Variants in MEOX2 observed in about 807,000 individuals in gnomAD.
The protein encoded by MEOX2 is homeobox protein MOX-2.
In MEOX2, 11 loss-of-function variants were observed where a neutral mutation model predicts 27.0. That is an observed-to-expected ratio of 0.41 (90% CI 0.26 to 0.68). The LOEUF is 0.68. Among genes scored for constraint, MEOX2 ranks in the 30% least tolerant of loss-of-function variants. MEOX2 has a pLI of 0.33. For missense variants in MEOX2, 436 were observed against 385.4 expected (o/e 1.13, Z -1.10); for synonymous variants, 189 against 155.4 (o/e 1.22, Z -1.61).
chr7:15,624,479 G>A lies in MEOX2; in HGVS notation c.690+2267C>T, dbSNP rs911051093. ...TCACATGGCTTGCTTTGGACAATGG[G>A]ACACTAGCAAATATGACGTAAGAGG... On this transcript the variant is annotated intron_variant, in intron 2 of 2. Transcript: ENST00000262041. 2.6e-5 allele frequency among the ~76,000 whole-genome samples: 4 copies of A among 152,108 alleles called. No individual in the cohort carries two copies. The East Asian group carries it at 5.8e-4, about 22-fold the overall frequency.
rs144205796 is a variant in MEOX2, at chr7:15,618,800, A to T, written c.691-6189T>A. ...TATCAGATTTAGAGACTATCACCTT[A>T]GATCCAAGTTTATTATATAAACTTA... On this transcript the variant is annotated intron_variant, in intron 2 of 2. Transcript: ENST00000262041. Among the ~76,000 whole-genome samples, 55 of 152,012 alleles carry T rather than the reference A, an allele frequency of 3.6e-4. No homozygotes were observed. The East Asian group carries it at 0.01, about 29-fold the overall frequency.
intron 1 of MEOX2, among the ~76,000 whole-genome samples, chr7:15,656,983 C>T (rs1292319994): frequency 6.6e-6 from 1 of 152,012 alleles, no homozygotes; most frequent in East Asian, 1.9e-4. Context: ...GTTGACTGTT[C>T]TTTTCTTTCT....
chr7:15,664,090 T>C (rs2115385811), intron 1 of MEOX2, among the ~76,000 whole-genome samples: 1 of 152,202 alleles, frequency 6.6e-6, no homozygotes, highest in East Asian at 1.9e-4. Context: ...TTAAAGCAAA[T>C]ATGAACTACA....
intron 1 of MEOX2, among the ~76,000 whole-genome samples, chr7:15,662,535 G>A (rs1005860670): frequency 6.6e-6 from 1 of 151,988 alleles, no homozygotes; most frequent in Non-Finnish European, 1.5e-5. Context: ...GAGACAAAAG[G>A]ACTGGGAAAA....
intron 1 of MEOX2, among the ~76,000 whole-genome samples, chr7:15,642,472 T>C (rs1160138235): frequency 6.6e-6 from 1 of 152,200 alleles, no homozygotes; most frequent in Non-Finnish European, 1.5e-5. Flanking sequence ...GTTTCTATTT[T>C]GCTTTTCTTT....
chr7:15,676,148 T>C (rs539437341), intron 1 of MEOX2: 1 of 152,294 alleles, frequency 6.6e-6, no homozygotes, highest in African/African-American at 2.4e-5. Flanking sequence ...ACCCAGGACT[T>C]GCAATTCCAG....
chr7:15,665,263 A>G (rs1032829825), intron 1 of MEOX2, among the ~76,000 whole-genome samples: 1 of 151,866 alleles, frequency 6.6e-6, no homozygotes, highest in Non-Finnish European at 1.5e-5. Context: ...AAATGAGCAA[A>G]GAAAACTAAG....
At chr7:15,642,709 T>C (rs1412354099) in intron 1 of MEOX2, among the ~76,000 whole-genome samples, 3 of 152,242 alleles carry the variant, frequency 2.0e-5, no homozygotes, top group African/African-American at 4.8e-5. Context: ...GAATTATTTA[T>C]GCTGGTTCCT....
chr7:15,631,834 G>T (rs1389114894), intron 1 of MEOX2, among the ~76,000 whole-genome samples: 3 of 147,808 alleles, frequency 2.0e-5, no homozygotes, highest in Admixed American at 6.8e-5. Flanking sequence ...TTTAATTTTT[G>T]GAAATATCAT....
At chr7:15,685,516 C>G (rs1041487967) in intron 1 of MEOX2, among the ~76,000 whole-genome samples, 1 of 152,222 alleles carries the variant, frequency 6.6e-6, no homozygotes, top group African/African-American at 2.4e-5. Context: ...GGCACCCGCA[C>G]GCACGCCTGC....
At chr7:15,671,142 CCAG>C (rs1315564725) in intron 1 of MEOX2, among the ~76,000 whole-genome samples, 3 of 151,974 alleles carry the variant, frequency 2.0e-5, no homozygotes, top group Admixed American at 1.3e-4. Flanking sequence ...TTTTTAAATG[CCAG>C]CTCCATTCTA....
At chr7:15,681,312 A>G (rs1341479706) in intron 1 of MEOX2, 1 of 151,750 alleles carries the variant, frequency 6.6e-6, no homozygotes, top group African/African-American at 2.4e-5. Flanking sequence ...AAAAACCTTC[A>G]TATTAGGTTG....
chr7:15,615,238 A>G (rs1347059260), intron 2 of MEOX2, among the ~76,000 whole-genome samples: 1 of 152,106 alleles, frequency 6.6e-6, no homozygotes, highest in Non-Finnish European at 1.5e-5. Context: ...CTTATGTTAT[A>G]GATGATAAAG....
intron 1 of MEOX2, chr7:15,680,555 C>G (rs1053756950): frequency 6.6e-6 from 1 of 151,888 alleles, no homozygotes; most frequent in South Asian, 2.1e-4. Context: ...AGTTTTGCAA[C>G]TAACTTTACT....
At chr7:15,685,792 G>A (rs932291322) in intron 1 of MEOX2, 94 bp downstream of exon 1, 6 of 1,473,182 alleles carry the variant, frequency 4.1e-6, no homozygotes, top group Admixed American at 2.3e-5. Context: ...CATCTTCCCT[G>A]CTGCCACCCT....
At chr7:15,677,007 C>G (rs1345139666) in intron 1 of MEOX2, among the ~76,000 whole-genome samples, 1 of 152,208 alleles carries the variant, frequency 6.6e-6, no homozygotes. Flanking sequence ...GAATGGAAAT[C>G]TTAAGGGTGG....
intron 2 of MEOX2, among the ~76,000 whole-genome samples, chr7:15,619,054 G>T (rs958738825): frequency 3.3e-5 from 5 of 151,952 alleles, no homozygotes; most frequent in African/African-American, 1.2e-4. Flanking sequence ...TATAGTCAAA[G>T]TCTCTAGAAA....
chr7:15,650,972 G>A (rs1781724129), intron 1 of MEOX2, among the ~76,000 whole-genome samples: 1 of 151,904 alleles, frequency 6.6e-6, no homozygotes, highest in Non-Finnish European at 1.5e-5. Flanking sequence ...TTACACAAGT[G>A]AACAGAAGAC....
At chr7:15,653,497 T>C (rs1781772635) in intron 1 of MEOX2, among the ~76,000 whole-genome samples, 1 of 152,008 alleles carries the variant, frequency 6.6e-6, no homozygotes, top group Non-Finnish European at 1.5e-5. Flanking sequence ...GTCTGCTCTA[T>C]CAATTTTTCC....
Sources: allele counts gnomAD v4.1 joint callset (sites outside exome capture counted in the v4.1 genomes callset), GRCh38; gene constraint gnomAD v4.1.1; transcripts MANE v1.5; gene names NCBI Gene and HGNC (gene_info 2026-07-23, HGNC 2026-07-21).